The following STK4 variants were observed in gnomAD, a reference collection of about 807,000 sequenced individuals.
STK4 encodes the protein serine/threonine-protein kinase 4.
A neutral mutation model predicts 64.9 loss-of-function variants in STK4; 30 were observed. The observed-to-expected ratio is 0.46, with a 90% CI of 0.35 to 0.63. The LOEUF (loss-of-function observed/expected upper bound fraction) is 0.63, where lower values mean the gene tolerates loss of function less well. Ranked by LOEUF, STK4 falls within the 20% of genes least tolerant of loss-of-function variation. The pLI, the probability that STK4 is intolerant of heterozygous loss-of-function variation, is 0.01. For missense variants in STK4, 466 were observed against 598.5 expected, an observed-to-expected ratio of 0.78 and a Z score of 2.31; for synonymous variants, 177 against 199.0, an observed-to-expected ratio of 0.89 and a Z score of 0.93.
chr20:45,001,909 C>T (rs2067848288), intron 9 of STK4, among the ~76,000 whole-genome samples: 2 of 152,184 alleles, frequency 1.3e-5, no homozygotes, highest in African/African-American at 4.8e-5. Context: ...ATCTTGTGTT[C>T]AGCTCCTATC....
chr20:44,977,339 T>C (rs6065770), intron 2 of STK4, among the ~76,000 whole-genome samples: 18,933 of 152,256 alleles, frequency 0.12, 1,547 homozygotes, highest in East Asian at 0.22. Context: ...TATTTGGCAG[T>C]TAGAGTATTG....
chr20:45,027,173 A>C (rs1429366121), intron 10 of STK4, among the ~76,000 whole-genome samples: 1 of 152,220 alleles, frequency 6.6e-6, no homozygotes. Context: ...TCACGCCTGT[A>C]ATCCCAGCAC....
In STK4 at chr20:45,079,964, C is replaced by G. The variant is rs917802155; in HGVS notation, c.*4788C>G. On this transcript the variant is annotated 3_prime_UTR_variant, in exon 11 of 11. Coordinates refer to ENST00000372806, the MANE Select transcript of STK4 (RefSeq NM_006282.5). ...CCTTTGGACCACAAACCCTTATTAA[C>G]GAGAACCTCAATATATAGCCTGGAT... 1 of 152,162 alleles carries G rather than the reference C, an allele frequency of 6.6e-6. No homozygotes were observed. The highest frequency in any genetic ancestry group is 2.4e-5 in the African/African-American group (1 of 41,422). The allele number at this position is 152,162 out of a possible 1,614,324, so 9.4% of individuals were successfully genotyped here. A position where few individuals can be genotyped will look rare whatever the true frequency, so the allele number is the denominator to read the frequency against.
intron 7 of STK4, among the ~76,000 whole-genome samples, chr20:44,998,252 C>T (rs1200645484): frequency 6.6e-6 from 1 of 152,132 alleles, no homozygotes; most frequent in Non-Finnish European, 1.5e-5. Context: ...GGTCAGATTG[C>T]CCAGGTTTGA....
At chr20:45,007,277 A>G (rs1468486800) in intron 9 of STK4, among the ~76,000 whole-genome samples, 2 of 152,026 alleles carry the variant, frequency 1.3e-5, no homozygotes, top group Non-Finnish European at 2.9e-5. Context: ...AGTTGGCTGG[A>G]CGCAGTAGCT....
rs370839092 is a variant in STK4 at position 45,039,528 on chromosome 20, G to A, written c.1305+14398G>A. 1.1e-4 allele frequency among the ~76,000 whole-genome samples: 17 copies of A among 152,166 alleles called. No individual in the cohort carries two copies. The East Asian group carries it at 1.5e-3, about 14-fold the overall frequency. On this transcript the variant is annotated intron_variant, in intron 10 of 10. Coordinates refer to ENST00000372806, the MANE Select transcript of STK4 (RefSeq NM_006282.5). ...TTTTTTCATTTCTGAGAAAATGTCTGCCAGATACCCAAGTCTGAATACTCA... is the reference window on the plus strand; with the variant it reads ...TTTTTTCATTTCTGAGAAAATGTCTACCAGATACCCAAGTCTGAATACTCA...
intron 3 of STK4, among the ~76,000 whole-genome samples, chr20:44,980,220 A>G (rs1040637305): frequency 7.2e-5 from 11 of 152,248 alleles, no homozygotes; most frequent in African/African-American, 2.4e-4. Flanking sequence ...ACTGTATTAC[A>G]GGGAGAGTAA....
At chr20:45,057,037 G>A (rs899795962) in intron 10 of STK4, among the ~76,000 whole-genome samples, 1 of 152,222 alleles carries the variant, frequency 6.6e-6, no homozygotes, top group African/African-American at 2.4e-5. Flanking sequence ...GTAGCAGGGT[G>A]TGGGCCCTGG....
chr20:45,014,717 GCGGTT>G (rs1171667155), intron 9 of STK4, among the ~76,000 whole-genome samples: 3 of 152,090 alleles, frequency 2.0e-5, no homozygotes, highest in Non-Finnish European at 4.4e-5. Context: ...TTGACATGCG[GCGGTT>G]CTTCCTCTCA....
intron 10 of STK4, among the ~76,000 whole-genome samples, chr20:45,055,324 A>G (rs6017476): frequency 0.91 from 138,325 of 152,276 alleles, 63,058 homozygotes; most frequent in East Asian, 1. Context: ...ATTTCTTAGT[A>G]GTCAGTTTTG....
chr20:45,039,661 G>A (rs1417707828), intron 10 of STK4, among the ~76,000 whole-genome samples: 1 of 152,114 alleles, frequency 6.6e-6, no homozygotes, highest in East Asian at 1.9e-4. Flanking sequence ...TTGTATTTCA[G>A]TTAAAACAGA....
Position 45,078,057 on chromosome 20 carries a change from T to G in STK4, c.*2881T>G, listed in dbSNP as rs1395974428. 1 of 152,208 alleles carries G rather than the reference T, an allele frequency of 6.6e-6. No homozygotes were observed. Among genetic ancestry groups the G allele is most frequent in the Non-Finnish European group, 1.5e-5 (1 of 68,036 alleles). The allele number at this position is 152,208 out of a possible 1,614,324, so 9.4% of individuals were successfully genotyped here. On this transcript the variant is annotated 3_prime_UTR_variant, in exon 11 of 11. Coordinates refer to ENST00000372806, the MANE Select transcript of STK4 (RefSeq NM_006282.5). ...AAATTTAAGATATGTCAGCTTGCTTTCAATGAGCCTTGGGCTTCTGTTATT... is the reference window on the plus strand; with the variant it reads ...AAATTTAAGATATGTCAGCTTGCTTGCAATGAGCCTTGGGCTTCTGTTATT...
chr20:45,033,616 GC>G (rs1253060626), intron 10 of STK4, among the ~76,000 whole-genome samples: 3 of 152,040 alleles, frequency 2.0e-5, no homozygotes, highest in Non-Finnish European at 2.9e-5. Flanking sequence ...TTGCTCTGTT[GC>G]CCAGGCTGGA....
At chr20:44,967,260 T>A in intron 1 of STK4, 1 of 981,196 alleles carries the variant, frequency 1.0e-6, no homozygotes. Flanking sequence ...CTTCAGAACC[T>A]GACATTGGGA....
chr20:44,987,162 C>G lies in STK4; in HGVS notation c.391C>G (p.Gln131Glu), dbSNP rs1422212937. Residue 131 changes from glutamine (Q) to glutamate (E), a missense_variant, in exon 5 of 11, where the codon CAA becomes GAA. Gln to Glu is a conservative substitution (Grantham distance 29, BLOSUM62 2). This residue lies in a region of STK4 where 190 missense variants were observed against 289.7 expected (regional missense o/e 0.66). Transcript: ENST00000372806. The part of the protein sequence containing the change: ...LTEDEIATIL[Q>E]STLKGLEYLH... ...AGAAGATGAAATAGCTACAATATTA[C>G]AATCAACTCTTAAGGGACTTGAATA... 1 of 1,595,658 alleles carries G rather than the reference C, an allele frequency of 6.3e-7. No individual in the cohort carries two copies. The highest frequency in any genetic ancestry group is 8.5e-7 in the Non-Finnish European group (1 of 1,170,928).
At chr20:45,009,447 T>C (rs947161192) in intron 9 of STK4, among the ~76,000 whole-genome samples, 1 of 152,214 alleles carries the variant, frequency 6.6e-6, no homozygotes, top group Non-Finnish European at 1.5e-5. Context: ...TATAGTCTTA[T>C]AGTTTGAAGT....
At chr20:45,013,298 A>T (rs6017463) in intron 9 of STK4, among the ~76,000 whole-genome samples, 41,545 of 151,730 alleles carry the variant, frequency 0.27, 6,176 homozygotes, top group Middle Eastern at 0.43. Context: ...GGTTTTATTT[A>T]AAAAAAATTC....
At chr20:44,972,397 T>TA in intron 2 of STK4, 3 of 382,836 alleles carry the variant, frequency 7.8e-6, no homozygotes, top group Non-Finnish European at 4.7e-6. Flanking sequence ...TGTATGATTT[T>TA]ATCTACTTAA....
intron 10 of STK4, among the ~76,000 whole-genome samples, chr20:45,027,119 T>C (rs1274855076): frequency 6.6e-6 from 1 of 152,270 alleles, no homozygotes; most frequent in African/African-American, 2.4e-5. Flanking sequence ...TTTCCTTGTT[T>C]TTAAATGTTT....
Sources: allele counts gnomAD v4.1 joint callset (sites outside exome capture counted in the v4.1 genomes callset), GRCh38; gene constraint gnomAD v4.1.1; regional missense constraint gnomAD v4.1.1; transcripts MANE v1.5; gene names NCBI Gene and HGNC (gene_info 2026-07-23, HGNC 2026-07-21).